Variants in KATNA1 observed in about 807,000 individuals in gnomAD.
The protein encoded by KATNA1 is katanin catalytic subunit A1, also known as katanin p60 ATPase-containing subunit A1.
Under a neutral mutation model 62.6 loss-of-function variants are expected in KATNA1, and 42 were observed. The observed-to-expected ratio is 0.67, with a 90% CI of 0.52 to 0.87. The LOEUF (loss-of-function observed/expected upper bound fraction) is 0.87, where lower values mean the gene tolerates loss of function less well. Among genes scored for constraint, KATNA1 ranks in the 40% least tolerant of loss-of-function variants. The probability of loss-of-function intolerance (pLI) is 0.00; values close to 1 mark genes in which losing one functional copy is unlikely to be tolerated. For missense variants in KATNA1, 498 were observed against 612.5 expected, an observed-to-expected ratio of 0.81 and a Z score of 1.97; for synonymous variants, 186 against 201.9, an observed-to-expected ratio of 0.92 and a Z score of 0.67.
chr6:149,601,657 T>C lies in KATNA1; in HGVS notation c.825A>G (p.Ser275=), dbSNP rs1562280505. The change falls in exon 7 of 11, where the codon TCA becomes TCG. Residue 275 remains serine, a synonymous_variant. Coordinates refer to ENST00000367411, the MANE Select transcript of KATNA1 (RefSeq NM_007044.4). ...CTCTGTATTTGGAAGTCAAAGTTGA[T>C]GAAGAGACATTGAAGAATGTTGTCT... is the stretch of plus-strand genomic sequence containing the variant. ...ECKTTFFNVS[S]STLTSKYRGE... is the part of the protein sequence containing the mutation. 5 of 1,612,942 alleles carry C rather than the reference T, an allele frequency of 3.1e-6. No individual in the cohort carries two copies. Among genetic ancestry groups the C allele is most frequent in the Non-Finnish European group, 4.2e-6 (5 of 1,179,742 alleles).
chr6:149,644,700 T>A (rs1338891715), intron 1 of KATNA1, among the ~76,000 whole-genome samples: 1 of 152,174 alleles, frequency 6.6e-6, no homozygotes, highest in Admixed American at 6.5e-5. Flanking sequence ...GTTTTTTTCT[T>A]GAGGGCCATG....
chr6:149,636,659 T>C (rs79738571), intron 2 of KATNA1, among the ~76,000 whole-genome samples: 8 of 151,876 alleles, frequency 5.3e-5, no homozygotes, highest in African/African-American at 1.4e-4. Context: ...TTTTTTTTTT[T>C]GAGACAGAGT....
chr6:149,632,092 G>A (rs764251050), intron 3 of KATNA1, among the ~76,000 whole-genome samples: 2 of 152,072 alleles, frequency 1.3e-5, no homozygotes, highest in African/African-American at 2.4e-5. Flanking sequence ...CTCTCTTTGC[G>A]TAAGAAAAAT....
At chr6:149,597,040 T>C (rs779449250) in intron 10 of KATNA1, 23 bp downstream of exon 10, 1 of 1,607,324 alleles carries the variant, frequency 6.2e-7, no homozygotes, top group Non-Finnish European at 8.5e-7. Context: ...TACAAAAACC[T>C]ATGCTTCCAT....
intron 2 of KATNA1, among the ~76,000 whole-genome samples, chr6:149,635,444 G>A (rs113423524): frequency 2.6e-5 from 4 of 152,206 alleles, no homozygotes; most frequent in Admixed American, 6.5e-5. Context: ...AGTGGCTCAC[G>A]TCTGTAATCT....
At chr6:149,598,379 C>T (rs925278654) in intron 7 of KATNA1, 29 bp from the exon 8 acceptor site, 33 of 1,602,274 alleles carry the variant, frequency 2.1e-5, no homozygotes, top group Non-Finnish European at 2.7e-5. Flanking sequence ...CAATATCAAG[C>T]TATTAAGCTA....
chr6:149,603,758 C>T (rs1008243980), intron 5 of KATNA1, among the ~76,000 whole-genome samples: 8 of 152,110 alleles, frequency 5.3e-5, no homozygotes, highest in Admixed American at 1.3e-4. Context: ...GAATAAAAAT[C>T]GTATAAAGCA....
chr6:149,595,671 AAAC>A (rs1327210177), intron 10 of KATNA1, among the ~76,000 whole-genome samples: 1 of 152,160 alleles, frequency 6.6e-6, no homozygotes, highest in African/African-American at 2.4e-5. Context: ...TAAAAAAAAA[AAAC>A]AAAACTTCAG....
chr6:149,619,057 A>G lies in KATNA1; in HGVS notation c.501+4046T>C, dbSNP rs571143373. Among the ~76,000 whole-genome samples, 26 of 152,346 alleles carry G rather than the reference A, an allele frequency of 1.7e-4. No individual in the cohort carries two copies. In the South Asian group the frequency reaches 4.3e-3, roughly 25 times the overall value. The stretch of plus-strand genomic sequence containing the variant: ...AAAGAGGCAACCTGTAGAATGGGAG[A>G]AAATATTTGCAAACTATTCATCTGA... On this transcript the variant is annotated intron_variant, in intron 4 of 10. Coordinates refer to ENST00000367411, the MANE Select transcript of KATNA1 (RefSeq NM_007044.4).
chr6:149,632,301 G>A (rs1779874446), intron 3 of KATNA1, among the ~76,000 whole-genome samples: 1 of 151,714 alleles, frequency 6.6e-6, no homozygotes, highest in South Asian at 2.1e-4. Context: ...CTTGAACCCG[G>A]GAGGCAGAGA....
Position 149,623,111 on chromosome 6 carries a change from C to T in KATNA1, c.493G>A (p.Glu165Lys). 1.9e-6 allele frequency: 3 copies of T among 1,584,474 alleles called. No homozygotes were observed. Among genetic ancestry groups the T allele is most frequent in the Middle Eastern group, 3.4e-4 (2 of 5,922 alleles). The change falls in exon 4 of 11, where the codon GAG becomes AAG. Residue 165 changes from glutamate to lysine, a missense_variant. Around this residue, in one of 3 missense-constraint regions of KATNA1, gnomAD observed 203 missense variants for 198.4 expected, o/e 1.02. Transcript: ENST00000367411. ...REKKEQNKGR[E>K]EKNKSPAAVT... is the part of the protein sequence containing the mutation. The stretch of plus-strand genomic sequence containing the variant: ...AATCAATTAACATTTACCTTTTCCT[C>T]TCTTCCTTTATTCTGTTCTTTCTTT...
chr6:149,622,132 GT>G (rs58159339), intron 4 of KATNA1, among the ~76,000 whole-genome samples: 76,926 of 142,234 alleles, frequency 0.54, 23,645 homozygotes, highest in African/African-American at 0.83. Context: ...TGTTTTTTTT[GT>G]TTTTTTTTTT....
chr6:149,601,573 A>G, intron 7 of KATNA1, 21 bp downstream of exon 7: 1 of 1,580,938 alleles, frequency 6.3e-7, no homozygotes, highest in Non-Finnish European at 8.6e-7. Flanking sequence ...AAGAATCATT[A>G]GAGCTGTCTC....
chr6:149,596,865 C>G (rs947246538), intron 10 of KATNA1, among the ~76,000 whole-genome samples, 198 bp downstream of exon 10: 1 of 152,082 alleles, frequency 6.6e-6, no homozygotes, highest in African/African-American at 2.4e-5. Flanking sequence ...AGATATTGAT[C>G]TGTCTTAATT....
At chr6:149,632,583 T>C (rs549711307) in intron 3 of KATNA1, among the ~76,000 whole-genome samples, 176 bp downstream of exon 3, 46 of 152,228 alleles carry the variant, frequency 3.0e-4, no homozygotes, top group Non-Finnish European at 5.7e-4. Context: ...AATCTTATTT[T>C]TTGAAATAGG....
At chr6:149,641,099 A>T (rs1780265556) in intron 1 of KATNA1, among the ~76,000 whole-genome samples, 2 of 142,698 alleles carry the variant, frequency 1.4e-5, no homozygotes, top group South Asian at 4.5e-4. Context: ...CGAACTCCCG[A>T]TCTCGGGTGA....
At chr6:149,645,468 A>AG (rs1163240270) in intron 1 of KATNA1, among the ~76,000 whole-genome samples, 9 of 151,422 alleles carry the variant, frequency 5.9e-5, no homozygotes, top group East Asian at 5.8e-4. Flanking sequence ...AAAAAAAAAA[A>AG]AAGAAAGAAA....
At chr6:149,639,028 C>T (rs966320328) in intron 1 of KATNA1, among the ~76,000 whole-genome samples, 6 of 151,812 alleles carry the variant, frequency 4.0e-5, no homozygotes, top group Non-Finnish European at 7.4e-5. Context: ...CATGAGCCAC[C>T]GCGCCTGGCC....
chr6:149,617,325 G>C (rs1167180640), intron 4 of KATNA1, among the ~76,000 whole-genome samples: 1 of 152,108 alleles, frequency 6.6e-6, no homozygotes, highest in Non-Finnish European at 1.5e-5. Context: ...TAAATTTTAT[G>C]TTATGTATAT....
Sources: gnomAD v4.1 joint callset for allele counts (sites outside exome capture counted in the v4.1 genomes callset) on GRCh38, gnomAD v4.1.1 for gene constraint, gnomAD v4.1.1 regional missense constraint, MANE v1.5 for transcripts, NCBI Gene and HGNC (gene_info 2026-07-23, HGNC 2026-07-21) for gene names.